Variants in MUC7 observed in about 807,000 individuals in gnomAD.
The protein encoded by MUC7 is mucin 7, secreted.
In MUC7, 2 loss-of-function variants were observed where a neutral mutation model predicts 2.5. The ratio of observed to expected loss-of-function variants is 0.81; its 90% CI spans 0.33 to 2.55. The LOEUF is 2.55. Ranked by LOEUF, MUC7 falls within the 30% of genes most tolerant of loss-of-function variation. The probability of loss-of-function intolerance (pLI) is 0.11; values close to 1 mark genes in which losing one functional copy is unlikely to be tolerated. For missense variants in MUC7, 408 were observed against 455.6 expected (o/e 0.90, Z 0.95); for synonymous variants, 133 against 173.4 (o/e 0.77, Z 1.83).
rs1199901892 is a variant in MUC7, at chr4:70,482,365, G to C, written c.*487G>C. 1 of 153,884 alleles carries C rather than the reference G, an allele frequency of 6.5e-6. No homozygotes were observed. Among genetic ancestry groups the C allele is most frequent in the East Asian group, 1.9e-4 (1 of 5,230 alleles). 9.5% of individuals were successfully genotyped at this position (153,884 alleles called of 1,614,324 possible). A position where few individuals can be genotyped will look rare whatever the true frequency, so the allele number is the denominator to read the frequency against. On this transcript the variant is annotated 3_prime_UTR_variant, in exon 3 of 3. Transcript: ENST00000304887. Reference sequence around the variant, plus strand: ...TCTATCTAAATATATTGATAGACCTGTCATTGTATTGATTAATGACAAAAC... The same window carrying C: ...TCTATCTAAATATATTGATAGACCTCTCATTGTATTGATTAATGACAAAAC...
chr4:70,438,584 G>A (rs1018970390), intron 1 of MUC7, among the ~76,000 whole-genome samples: 1 of 152,044 alleles, frequency 6.6e-6, no homozygotes, highest in African/African-American at 2.4e-5. Flanking sequence ...AGTCTTCCAA[G>A]TACCTGGGAC....
At chr4:70,449,512 T>C (rs903731346) in intron 1 of MUC7, among the ~76,000 whole-genome samples, 2 of 152,120 alleles carry the variant, frequency 1.3e-5, no homozygotes, top group Non-Finnish European at 2.9e-5. Flanking sequence ...TTATGGGAGC[T>C]CCAATTCAAG....
chr4:70,432,452 G>C (rs578209565), intron 1 of MUC7, among the ~76,000 whole-genome samples: 2 of 152,332 alleles, frequency 1.3e-5, no homozygotes, highest in East Asian at 3.9e-4. Context: ...ACTGGTGTGA[G>C]ATGGTATCTG....
chr4:70,439,330 A>G (rs1343270448), intron 1 of MUC7, among the ~76,000 whole-genome samples: 1 of 152,168 alleles, frequency 6.6e-6, no homozygotes, highest in East Asian at 1.9e-4. Flanking sequence ...TTCCTTTAGC[A>G]CCTTCTAAGT....
At chr4:70,474,544 A>G (rs1030631199) in intron 2 of MUC7, among the ~76,000 whole-genome samples, 3 of 147,686 alleles carry the variant, frequency 2.0e-5, no homozygotes, top group Non-Finnish European at 4.5e-5. Flanking sequence ...TAGATAGACT[A>G]GATAGATAGG....
intron 1 of MUC7, among the ~76,000 whole-genome samples, chr4:70,446,811 C>G (rs756617208): frequency 4.6e-5 from 7 of 152,116 alleles, no homozygotes; most frequent in Non-Finnish European, 8.8e-5. Context: ...ACAGGTAGAA[C>G]AGAATGTTGG....
chr4:70,437,296 C>T (rs1733869778), intron 1 of MUC7, among the ~76,000 whole-genome samples: 1 of 152,186 alleles, frequency 6.6e-6, no homozygotes, highest in Non-Finnish European at 1.5e-5. Context: ...TTCAAGTATG[C>T]CCTGATCCCA....
intron 1 of MUC7, among the ~76,000 whole-genome samples, chr4:70,461,168 C>T (rs1300060307): frequency 6.6e-6 from 1 of 152,228 alleles, no homozygotes; most frequent in Non-Finnish European, 1.5e-5. Context: ...CTCTGTTGGA[C>T]TGTAGTGGCC....
rs1340529667 is a variant in MUC7, at chr4:70,481,191, T to C, written c.447T>C (p.Ser149=). The C allele has an allele frequency of 1.2e-6, 2 of 1,614,080 alleles. No individual in the cohort carries two copies. The highest frequency in any genetic ancestry group is 2.7e-5 in the African/African-American group (2 of 74,942). ...CAAGAGAAAATGTTAACACAAGCTCTTCTGTAGCTACATTAGCACCAGTGA... is the reference window on the plus strand; with the variant it reads ...CAAGAGAAAATGTTAACACAAGCTCCTCTGTAGCTACATTAGCACCAGTGA... ...ISSRENVNTS[S]SVATLAPVNS... Residue 149 remains serine, a synonymous_variant, in exon 3 of 3, where the codon TCT becomes TCC. Coordinates refer to ENST00000304887, the MANE Select transcript of MUC7 (RefSeq NM_152291.3).
At chr4:70,479,835 A>G (rs1577917528) in intron 2 of MUC7, among the ~76,000 whole-genome samples, 1 of 152,328 alleles carries the variant, frequency 6.6e-6, no homozygotes, top group East Asian at 1.9e-4. Context: ...CAAAATTAGG[A>G]CCAAAGGATG....
intron 1 of MUC7, among the ~76,000 whole-genome samples, chr4:70,465,507 G>T (rs1362761243): frequency 2.0e-5 from 3 of 152,110 alleles, no homozygotes; most frequent in Non-Finnish European, 4.4e-5. Flanking sequence ...TTGAAAAAAG[G>T]TTAGCAGAAT....
intron 1 of MUC7, among the ~76,000 whole-genome samples, chr4:70,440,546 G>A (rs1302644037): frequency 6.6e-6 from 1 of 152,092 alleles, no homozygotes; most frequent in Non-Finnish European, 1.5e-5. Context: ...GATCAGTAAG[G>A]TGACTATAGT....
intron 1 of MUC7, among the ~76,000 whole-genome samples, chr4:70,436,857 G>T (rs539465086): frequency 2.6e-5 from 4 of 152,228 alleles, no homozygotes; most frequent in Non-Finnish European, 5.9e-5. Flanking sequence ...GGTCTTTGAT[G>T]TTGATGACCT....
At chr4:70,449,031 T>C (rs1734214238) in intron 1 of MUC7, among the ~76,000 whole-genome samples, 1 of 152,208 alleles carries the variant, frequency 6.6e-6, no homozygotes, top group South Asian at 2.1e-4. Flanking sequence ...GAAGAGACTG[T>C]TCTTTCCTCA....
At chr4:70,456,724 G>A (rs1041126854) in intron 1 of MUC7, among the ~76,000 whole-genome samples, 3 of 152,148 alleles carry the variant, frequency 2.0e-5, no homozygotes, top group Non-Finnish European at 2.9e-5. Context: ...TTTGGGTGGG[G>A]ACACAGAGCC....
rs185351884 is a variant in MUC7, at chr4:70,474,418, C to T, written c.54+343C>T. 1.8e-3 allele frequency among the ~76,000 whole-genome samples: 278 copies of T among 152,140 alleles called. 3 individuals are homozygous for T. The Middle Eastern group carries it at 0.044, about 24-fold the overall frequency. On this transcript the variant is annotated intron_variant, in intron 2 of 2. Coordinates refer to ENST00000304887, the MANE Select transcript of MUC7 (RefSeq NM_152291.3). ...GCCTGTAATCCCAACTACTCGGAGG[C>T]TGAGGTTGGGATCTTAAGCCTGGGA...
chr4:70,438,454 T>TG (rs1230988976), intron 1 of MUC7, among the ~76,000 whole-genome samples: 39 of 152,142 alleles, frequency 2.6e-4, no homozygotes, highest in Middle Eastern at 3.4e-3. Flanking sequence ...TGTTTTGTTT[T>TG]GTTTTGGTTT....
upstream of MUC7, among the ~76,000 whole-genome samples, chr4:70,469,121 A>G (rs1342627033): frequency 6.6e-6 from 1 of 152,218 alleles, no homozygotes; most frequent in African/African-American, 2.4e-5. Context: ...CAACCATCTG[A>G]TCTTTGACAA....
At position 70,464,447 on chromosome 4, in the gene MUC7, G is replaced by A. The variant is rs529509740; in HGVS notation, c.-92-7768G>A. Among the ~76,000 whole-genome samples the A allele has an allele frequency of 4.1e-4, 62 of 152,214 alleles. 1 individual carries two copies. The highest frequency in any genetic ancestry group is 7.8e-4 in the Non-Finnish European group (53 of 67,996). ...GCTAAAGTCAAGGAACCAAGTGGTCGAGCTCAGTGGTTCCCACCCCTACAG... is the reference window on the plus strand; with the variant it reads ...GCTAAAGTCAAGGAACCAAGTGGTCAAGCTCAGTGGTTCCCACCCCTACAG... On this transcript the variant is annotated intron_variant, in intron 1 of 3. Transcript: ENST00000413702.
Sources: allele counts gnomAD v4.1 joint callset (sites outside exome capture counted in the v4.1 genomes callset), GRCh38; gene constraint gnomAD v4.1.1; transcripts MANE v1.5; gene names NCBI Gene and HGNC (gene_info 2026-07-23, HGNC 2026-07-21).